TMEM132B: variants seen among roughly 807,000 people sequenced by gnomAD.
TMEM132B encodes the protein transmembrane protein 132B.
Under a neutral mutation model 90.8 loss-of-function variants are expected in TMEM132B, and 18 were observed. That is an observed-to-expected ratio of 0.20 (90% CI 0.14 to 0.29). The LOEUF (loss-of-function observed/expected upper bound fraction) is 0.29, where lower values mean the gene tolerates loss of function less well. TMEM132B is among the 10% of genes least tolerant of loss of function. TMEM132B has a pLI of 1.00. For synonymous variants in TMEM132B, 504 were observed against 523.3 expected, an observed-to-expected ratio of 0.96 and a Z score of 0.50; for missense variants, 1,096 against 1,326.8, an observed-to-expected ratio of 0.83 and a Z score of 2.70.
chr12:125,639,295 T>C (rs1443788929), intron 5 of TMEM132B, among the ~76,000 whole-genome samples: 1 of 152,260 alleles, frequency 6.6e-6, no homozygotes, highest in African/African-American at 2.4e-5. Flanking sequence ...TCTTCTCTCA[T>C]AATATATGAA....
chr12:125,238,353 A>C (rs78273749), intron 1 of TMEM132B, among the ~76,000 whole-genome samples: 1 of 128,864 alleles, frequency 7.8e-6, no homozygotes, highest in Non-Finnish European at 1.7e-5. Context: ...ACTCCGTCTC[A>C]AAAAAAAAAA....
At chr12:125,378,760 C>G (rs868344757) in intron 2 of TMEM132B, among the ~76,000 whole-genome samples, 5 of 152,058 alleles carry the variant, frequency 3.3e-5, no homozygotes, top group African/African-American at 9.7e-5. Flanking sequence ...ATTTCTGTCC[C>G]CACTCCTGCA....
chr12:125,608,354 G>A (rs1478312533), intron 5 of TMEM132B, among the ~76,000 whole-genome samples: 1 of 152,072 alleles, frequency 6.6e-6, no homozygotes, highest in Admixed American at 6.6e-5. Flanking sequence ...AGCATTTGTG[G>A]ATTTTTATGA....
At chr12:125,632,823 A>C (rs562074076) in intron 5 of TMEM132B, among the ~76,000 whole-genome samples, 1 of 151,862 alleles carries the variant, frequency 6.6e-6, no homozygotes, top group Non-Finnish European at 1.5e-5. Context: ...TTTAGGATCT[A>C]TTCTTTATCT....
At chr12:125,315,958 A>G (rs10744203) in intron 1 of TMEM132B, among the ~76,000 whole-genome samples, 113,518 of 151,954 alleles carry the variant, frequency 0.75, 43,486 homozygotes, top group African/African-American at 0.91. Flanking sequence ...TGGATGTTGC[A>G]GAAATGGAAG....
chr12:125,647,109 G>T (rs1886783567), intron 6 of TMEM132B, among the ~76,000 whole-genome samples: 1 of 152,182 alleles, frequency 6.6e-6, no homozygotes, highest in African/African-American at 2.4e-5. Context: ...GGAGATGACA[G>T]AGGATAAAAT....
intron 5 of TMEM132B, among the ~76,000 whole-genome samples, chr12:125,632,294 T>C (rs1054268879): frequency 6.6e-6 from 1 of 151,972 alleles, no homozygotes; most frequent in Admixed American, 6.6e-5. Context: ...ATTAACATCA[T>C]CCCCCCACTT....
chr12:125,456,722 G>T (rs1881302249), intron 3 of TMEM132B, among the ~76,000 whole-genome samples: 1 of 152,144 alleles, frequency 6.6e-6, no homozygotes, highest in Admixed American at 6.5e-5. Context: ...GTCTCTCTGT[G>T]CTCCCTGGAG....
At chr12:125,326,875 C>T (rs769509754) in intron 1 of TMEM132B, among the ~76,000 whole-genome samples, 1 of 152,154 alleles carries the variant, frequency 6.6e-6, no homozygotes, top group Non-Finnish European at 1.5e-5. Flanking sequence ...AACTGTCCAC[C>T]GAGGCTGCCA....
At chr12:125,640,114 G>A (rs73418472) in intron 5 of TMEM132B, among the ~76,000 whole-genome samples, 2,087 of 152,230 alleles carry the variant, frequency 0.014, 50 homozygotes, top group African/African-American at 0.047. Flanking sequence ...AGGAGGAGGC[G>A]CCACTTTCGG....
chr12:125,389,333 C>A (rs1031979884), intron 2 of TMEM132B, among the ~76,000 whole-genome samples: 1 of 146,908 alleles, frequency 6.8e-6, no homozygotes, highest in Non-Finnish European at 1.5e-5. Context: ...CTCCTCCTCC[C>A]TCCCCTCCCC....
intron 2 of TMEM132B, among the ~76,000 whole-genome samples, chr12:125,353,176 C>T (rs1171192896): frequency 6.6e-6 from 1 of 151,920 alleles, no homozygotes; most frequent in Non-Finnish European, 1.5e-5. Flanking sequence ...TGCAGCACTT[C>T]AGCACTCCCT....
chr12:125,511,925 A>G (rs1882991522), intron 3 of TMEM132B, among the ~76,000 whole-genome samples: 1 of 151,948 alleles, frequency 6.6e-6, no homozygotes, highest in Non-Finnish European at 1.5e-5. Context: ...CATTCCTAGG[A>G]AGTGTCCCTC....
Position 125,202,800 on chromosome 12 carries a change from G to A in TMEM132B, c.67+15934G>A, listed in dbSNP as rs963764330. On this transcript the variant is annotated intron_variant, in intron 1 of 8. Coordinates refer to ENST00000682704, the MANE Select transcript of TMEM132B (RefSeq NM_001366854.1). ...TATGGAACTGCCTGAGAATGAAGCA[G>A]GATGGAGAAAAACCTGGAGTGCAGG... is the stretch of plus-strand genomic sequence containing the variant. Among the ~76,000 whole-genome samples, 4 of 152,232 alleles carry A rather than the reference G, an allele frequency of 2.6e-5. No individual in the cohort carries two copies. The South Asian group carries it at 6.2e-4, about 24-fold the overall frequency.
intron 1 of TMEM132B, among the ~76,000 whole-genome samples, chr12:125,208,060 T>G (rs1873224152): frequency 6.6e-6 from 1 of 152,234 alleles, no homozygotes; most frequent in African/African-American, 2.4e-5. Context: ...TGAATTTGCA[T>G]TCCCCACGCC....
intron 3 of TMEM132B, among the ~76,000 whole-genome samples, chr12:125,433,310 C>T (rs936473701): frequency 8.5e-5 from 13 of 152,150 alleles, no homozygotes; most frequent in East Asian, 5.8e-4. Flanking sequence ...TCACGGTCAT[C>T]GGGGCAATGC....
intron 5 of TMEM132B, among the ~76,000 whole-genome samples, chr12:125,619,114 C>G (rs1179744497): frequency 6.6e-6 from 1 of 151,958 alleles, no homozygotes; most frequent in Non-Finnish European, 1.5e-5. Context: ...TTATGTTGCC[C>G]CAATGATTTT....
Position 125,406,962 on chromosome 12 carries a change from G to C in TMEM132B, c.960-8569G>C, listed in dbSNP as rs992329263. 2.6e-5 allele frequency among the ~76,000 whole-genome samples: 4 copies of C among 152,206 alleles called. No individual in the cohort carries two copies. Among genetic ancestry groups the C allele is most frequent in the African/African-American group, 9.6e-5 (4 of 41,458 alleles). Reference sequence around the variant, plus strand: ...AGCTCCCAGTTGACCTTTCCCAGTGGAGTCGTATGGACAGCATTTGCTTCT... The same window carrying C: ...AGCTCCCAGTTGACCTTTCCCAGTGCAGTCGTATGGACAGCATTTGCTTCT... On this transcript the variant is annotated intron_variant, in intron 2 of 8. Coordinates refer to ENST00000682704, the MANE Select transcript of TMEM132B (RefSeq NM_001366854.1). The surrounding 1 kb of genome is among the most constrained non-coding windows in gnomAD (Gnocchi z 8.3).
chr12:125,646,835 A>G lies in TMEM132B; in HGVS notation c.1643+2554A>G, dbSNP rs114998312. On this transcript the variant is annotated intron_variant, in intron 6 of 8. Coordinates refer to ENST00000682704, the MANE Select transcript of TMEM132B (RefSeq NM_001366854.1). ...TGTCATACCAAGAATTAGATAAACCACAACTTGAATGAGAAAAGATGATCA... is the reference window on the plus strand; with the variant it reads ...TGTCATACCAAGAATTAGATAAACCGCAACTTGAATGAGAAAAGATGATCA... Among the ~76,000 whole-genome samples, 1,380 of 152,336 alleles carry G rather than the reference A, an allele frequency of 9.1e-3. 23 individuals are homozygous for G. Among genetic ancestry groups the G allele is most frequent in the African/African-American group, 0.031 (1,308 of 41,572 alleles).
Sources: gnomAD v4.1 joint callset for allele counts (sites outside exome capture counted in the v4.1 genomes callset) on GRCh38, gnomAD v4.1.1 for gene constraint, Gnocchi (gnomAD v3.1) non-coding constraint, MANE v1.5 for transcripts, NCBI Gene and HGNC (gene_info 2026-07-23, HGNC 2026-07-21) for gene names.